The following SPATA13 variants were observed in gnomAD, a reference collection of about 807,000 sequenced individuals.
SPATA13 encodes the protein spermatogenesis-associated protein 13.
In SPATA13, 50 loss-of-function variants were observed where a neutral mutation model predicts 104.0. That is an observed-to-expected ratio of 0.48 (90% CI 0.38 to 0.61). The LOEUF is 0.61. Ranked by LOEUF, SPATA13 falls within the 20% of genes least tolerant of loss-of-function variation. The pLI, the probability that SPATA13 is intolerant of heterozygous loss-of-function variation, is 0.00. For synonymous variants in SPATA13, 606 were observed against 667.5 expected (o/e 0.91, Z 1.42); for missense variants, 1,524 against 1,690.6 (o/e 0.90, Z 1.73).
intron 3 of SPATA13, among the ~76,000 whole-genome samples, chr13:24,075,820 G>A (rs1879306246): frequency 6.6e-6 from 1 of 152,182 alleles, no homozygotes; most frequent in Non-Finnish European, 1.5e-5. Flanking sequence ...GGGTGGAAAG[G>A]AGAGCTGGGC....
intron 3 of SPATA13, among the ~76,000 whole-genome samples, chr13:24,149,295 C>T (rs1031891422): frequency 3.3e-5 from 5 of 152,140 alleles, no homozygotes; most frequent in Non-Finnish European, 5.9e-5. Context: ...GAGAGAACAC[C>T]GAACACACCC....
intron 3 of SPATA13, among the ~76,000 whole-genome samples, chr13:24,023,282 A>G (rs1442918234): frequency 6.6e-6 from 1 of 152,208 alleles, no homozygotes. Flanking sequence ...ATGGCTGTAT[A>G]GTATTCCATG....
intron 3 of SPATA13, chr13:24,123,472 G>A (rs1235761796): frequency 1.2e-5 from 19 of 1,570,590 alleles, no homozygotes; most frequent in Non-Finnish European, 1.5e-5. Flanking sequence ...TTCTTCAGAA[G>A]TATTTCAGCG....
intron 1 of SPATA13, among the ~76,000 whole-genome samples, chr13:24,187,125 T>C (rs1314275954): frequency 6.6e-6 from 1 of 152,190 alleles, no homozygotes; most frequent in East Asian, 1.9e-4. Context: ...TTTCAGATGC[T>C]CTACTCTCAC....
intron 2 of SPATA13, among the ~76,000 whole-genome samples, chr13:24,231,893 A>G (rs1408336651): frequency 1.3e-5 from 2 of 152,236 alleles, no homozygotes; most frequent in African/African-American, 2.4e-5. Context: ...TTAGCCATTC[A>G]AGTGATCTGA....
intron 4 of SPATA13, chr13:24,271,022 C>T (rs1489133047): frequency 6.0e-6 from 2 of 335,652 alleles, no homozygotes; most frequent in South Asian, 4.1e-5. Context: ...CTCTCTCTCA[C>T]TCTCTCTCTC....
rs117832149 is a variant in SPATA13 at position 24,152,390 on chromosome 13, T to G, written c.-111-70429T>G. ...AGGTGCCATGGGACTCAGTGGTTCC[T>G]GCTCAAGGACATGGCCACTTTCCTC... On this transcript the variant is annotated intron_variant, in intron 3 of 14. Coordinates refer to the SPATA13 transcript ENST00000424834. 8.7e-3 allele frequency among the ~76,000 whole-genome samples: 1,321 copies of G among 152,340 alleles called. 11 individuals are homozygous for G. The highest frequency in any genetic ancestry group is 0.013 in the Non-Finnish European group (856 of 68,028).
chr13:24,090,197 TC>T (rs71757402), intron 3 of SPATA13, among the ~76,000 whole-genome samples: 6,295 of 152,182 alleles, frequency 0.041, 372 homozygotes, highest in African/African-American at 0.13. Flanking sequence ...CACTTGGACA[TC>T]CCCCTTATGG....
chr13:24,005,013 A>G (rs1224728791), intron 2 of SPATA13, among the ~76,000 whole-genome samples: 12 of 152,284 alleles, frequency 7.9e-5, no homozygotes, highest in African/African-American at 2.4e-4. Flanking sequence ...TCCCTTTTAC[A>G]TGGCTACTTT....
chr13:24,065,146 G>A (rs370491106), intron 3 of SPATA13, among the ~76,000 whole-genome samples: 1 of 152,116 alleles, frequency 6.6e-6, no homozygotes, highest in East Asian at 1.9e-4. Flanking sequence ...TTACCTGTCA[G>A]GGGGATGTCT....
chr13:24,098,518 G>C lies in SPATA13; in HGVS notation c.-112+80817G>C, dbSNP rs1175177608. ...AGGCTAAAGTGGGAGGATCACCTGA[G>C]CCTGGACGTTTGAGGCCGCACTGAG... is the stretch of plus-strand genomic sequence containing the variant. On this transcript the variant is annotated intron_variant, in intron 3 of 14. Coordinates refer to the SPATA13 transcript ENST00000424834. Among the ~76,000 whole-genome samples, 3 of 151,682 alleles carry C rather than the reference G, an allele frequency of 2.0e-5. No homozygotes were observed. In the East Asian group the frequency reaches 5.8e-4, roughly 29 times the overall value.
At chr13:24,079,271 G>A (rs926814323) in intron 3 of SPATA13, among the ~76,000 whole-genome samples, 8 of 152,204 alleles carry the variant, frequency 5.3e-5, no homozygotes, top group African/African-American at 1.9e-4. Context: ...GCCATCCAGG[G>A]CCTTGTCCGC....
At chr13:24,005,185 A>G (rs1228931227) in intron 2 of SPATA13, among the ~76,000 whole-genome samples, 2 of 152,254 alleles carry the variant, frequency 1.3e-5, no homozygotes, top group Non-Finnish European at 2.9e-5. Context: ...TGACATCAGC[A>G]TTTAATTGCA....
At chr13:24,231,222 G>A (rs767581646) in intron 2 of SPATA13, among the ~76,000 whole-genome samples, 10 of 152,116 alleles carry the variant, frequency 6.6e-5, no homozygotes, top group East Asian at 5.8e-4. Flanking sequence ...ATTTTAGCAC[G>A]TTTTCACCAC....
At chr13:24,239,885 CCT>C (rs1872749280) in intron 2 of SPATA13, among the ~76,000 whole-genome samples, 1 of 151,692 alleles carries the variant, frequency 6.6e-6, no homozygotes, top group Admixed American at 6.6e-5. Flanking sequence ...TGAAAGTAGA[CCT>C]CTATATTCTT....
chr13:24,148,306 T>A (rs7994554), intron 3 of SPATA13, among the ~76,000 whole-genome samples: 3,923 of 152,276 alleles, frequency 0.026, 87 homozygotes, highest in African/African-American at 0.059. Context: ...AGTCCTACTT[T>A]CATGAGCCCC....
intron 1 of SPATA13, among the ~76,000 whole-genome samples, chr13:24,175,811 C>T (rs141255586): frequency 4.1e-4 from 63 of 152,310 alleles, no homozygotes; most frequent in African/African-American, 1.3e-3. Flanking sequence ...CATTTTTCTT[C>T]TCCCACAGGA....
intron 1 of SPATA13, among the ~76,000 whole-genome samples, chr13:24,190,657 T>C (rs1869675328): frequency 6.6e-6 from 1 of 151,934 alleles, no homozygotes; most frequent in African/African-American, 2.4e-5. Flanking sequence ...GAAGATTTGA[T>C]GGAAGTGCTG....
chr13:24,187,566 A>G (rs1869229023), intron 1 of SPATA13, among the ~76,000 whole-genome samples: 1 of 152,188 alleles, frequency 6.6e-6, no homozygotes. Context: ...TCATTGTTAC[A>G]ATAGCATGTG....
Sources: allele counts gnomAD v4.1 joint callset (sites outside exome capture counted in the v4.1 genomes callset), GRCh38; gene constraint gnomAD v4.1.1; transcripts MANE v1.5; gene names NCBI Gene and HGNC (gene_info 2026-07-23, HGNC 2026-07-21).